NXN: variants seen among roughly 807,000 people sequenced by gnomAD.
The protein encoded by NXN is nucleoredoxin, also known as nucleoredoxin 1.
In NXN, 16 loss-of-function variants were observed where a neutral mutation model predicts 48.6. The ratio of observed to expected loss-of-function variants is 0.33; its 90% CI spans 0.22 to 0.50. The LOEUF (loss-of-function observed/expected upper bound fraction) is 0.50, where lower values mean the gene tolerates loss of function less well. NXN is among the 20% of genes least tolerant of loss of function. The pLI is 0.98. For missense variants in NXN, 492 were observed against 605.5 expected, an observed-to-expected ratio of 0.81 and a Z score of 1.97; for synonymous variants, 281 against 269.6, an observed-to-expected ratio of 1.04 and a Z score of -0.41.
At chr17:836,475 C>T (rs1368057676) in intron 1 of NXN, among the ~76,000 whole-genome samples, 6 of 152,164 alleles carry the variant, frequency 3.9e-5, no homozygotes, top group African/African-American at 1.2e-4. Context: ...CCTAAATGTG[C>T]TCTCACCCTT....
chr17:927,642 C>T (rs184298216), intron 1 of NXN, among the ~76,000 whole-genome samples: 30 of 149,028 alleles, frequency 2.0e-4, no homozygotes, highest in African/African-American at 6.4e-4. Context: ...CAGAAGGAGG[C>T]GGGCTCAGTG....
chr17:908,975 A>G (rs1303118505), intron 1 of NXN, among the ~76,000 whole-genome samples: 2 of 151,908 alleles, frequency 1.3e-5, no homozygotes, highest in African/African-American at 4.8e-5. Flanking sequence ...GTGTGGTGGC[A>G]CTTGTCTGTA....
intron 7 of NXN, among the ~76,000 whole-genome samples, chr17:802,264 G>A (rs1333449597): frequency 1.3e-5 from 2 of 152,116 alleles, no homozygotes; most frequent in Non-Finnish European, 2.9e-5. Flanking sequence ...TGGGACTCTA[G>A]CCATGCAGCA....
intron 1 of NXN, among the ~76,000 whole-genome samples, chr17:854,251 A>T (rs2067960057): frequency 1.3e-5 from 2 of 152,168 alleles, no homozygotes; most frequent in Non-Finnish European, 2.9e-5. Context: ...TTTTCTGGAC[A>T]CCTGAAAGCA....
At chr17:904,860 A>C (rs1349294015) in intron 1 of NXN, among the ~76,000 whole-genome samples, 1 of 152,098 alleles carries the variant, frequency 6.6e-6, no homozygotes, top group Middle Eastern at 3.2e-3. Flanking sequence ...AGTATTTTTT[A>C]CAGGTAAGGG....
At chr17:833,404 T>C (rs961129559) in intron 1 of NXN, among the ~76,000 whole-genome samples, 3 of 151,684 alleles carry the variant, frequency 2.0e-5, no homozygotes, top group Non-Finnish European at 2.9e-5. Flanking sequence ...CATCCAGGAG[T>C]GACTTGCGGA....
chr17:851,103 T>G (rs1007254374), intron 1 of NXN, among the ~76,000 whole-genome samples: 13 of 152,356 alleles, frequency 8.5e-5, no homozygotes, highest in African/African-American at 2.9e-4. Flanking sequence ...TTAAAGAGCA[T>G]GATAATCCTG....
intron 1 of NXN, among the ~76,000 whole-genome samples, chr17:898,272 G>GA (rs2068508161): frequency 6.6e-6 from 1 of 152,056 alleles, no homozygotes; most frequent in Admixed American, 6.6e-5. Context: ...AACCCTGGGG[G>GA]AAAAACTGCC....
intron 1 of NXN, among the ~76,000 whole-genome samples, chr17:961,433 T>G (rs989437373): frequency 5.3e-5 from 8 of 151,694 alleles, no homozygotes; most frequent in Admixed American, 6.6e-5. Context: ...AGACAGTAAG[T>G]ATTGTAATTT....
intron 1 of NXN, among the ~76,000 whole-genome samples, chr17:841,168 T>C (rs933660732): frequency 2.0e-5 from 3 of 152,204 alleles, no homozygotes; most frequent in African/African-American, 7.2e-5. Flanking sequence ...CTTGGAAACA[T>C]CCCTGGCTCA....
chr17:852,313 C>T (rs533264192), intron 1 of NXN, among the ~76,000 whole-genome samples: 349 of 152,140 alleles, frequency 2.3e-3, no homozygotes, highest in Non-Finnish European at 3.6e-3. Flanking sequence ...TCAGTCGGGG[C>T]GTCTCCAGCA....
At chr17:897,118 C>T (rs2144888427) in intron 1 of NXN, 1 of 956,672 alleles carries the variant, frequency 1.0e-6, no homozygotes, top group Non-Finnish European at 1.3e-6. Context: ...AAAATTATTT[C>T]CCATGGGAGA....
intron 1 of NXN, among the ~76,000 whole-genome samples, chr17:897,332 C>T (rs887456691): frequency 2.6e-5 from 4 of 152,192 alleles, no homozygotes; most frequent in Admixed American, 2.0e-4. Flanking sequence ...TGAAACAAAG[C>T]CAGCATGGGC....
intron 1 of NXN, among the ~76,000 whole-genome samples, chr17:838,337 G>C (rs1360846936): frequency 6.6e-6 from 1 of 151,842 alleles, no homozygotes; most frequent in African/African-American, 2.4e-5. Flanking sequence ...TCACCATCTT[G>C]GCCAGGCTGG....
intron 1 of NXN, among the ~76,000 whole-genome samples, chr17:867,874 C>T (rs944184905): frequency 1.3e-5 from 2 of 150,370 alleles, no homozygotes; most frequent in Admixed American, 6.6e-5. Context: ...TGCAGTAAGC[C>T]GACAGAATGA....
chr17:885,333 C>G (rs912448444), intron 1 of NXN, among the ~76,000 whole-genome samples: 3 of 151,990 alleles, frequency 2.0e-5, no homozygotes, highest in Non-Finnish European at 4.4e-5. Context: ...CAAAAATTAG[C>G]TGGGCGTGGT....
intron 5 of NXN, among the ~76,000 whole-genome samples, chr17:817,421 G>A (rs968864775): frequency 3.2e-4 from 49 of 152,178 alleles, no homozygotes; most frequent in Non-Finnish European, 5.9e-5. Flanking sequence ...TGTAATCCCA[G>A]CACTTTGGGA....
chr17:850,195 G>A (rs767946371), intron 1 of NXN, among the ~76,000 whole-genome samples: 21 of 152,244 alleles, frequency 1.4e-4, no homozygotes, highest in African/African-American at 9.6e-5. Context: ...CCTGACGGAC[G>A]CTCTCAGCCC....
intron 1 of NXN, among the ~76,000 whole-genome samples, chr17:966,302 G>T (rs1241731157): frequency 6.6e-6 from 1 of 151,758 alleles, no homozygotes; most frequent in East Asian, 1.9e-4. Context: ...AGATTTTTTT[G>T]CTATTTGCTT....
Sources: gnomAD v4.1 joint callset for allele counts (sites outside exome capture counted in the v4.1 genomes callset) on GRCh38, gnomAD v4.1.1 for gene constraint, MANE v1.5 for transcripts, NCBI Gene and HGNC (gene_info 2026-07-23, HGNC 2026-07-21) for gene names.